The following SH3BP4 variants were observed in gnomAD, a reference collection of about 807,000 sequenced individuals.
The protein encoded by SH3BP4 is SH3 domain binding protein 4.
Under a neutral mutation model 65.5 loss-of-function variants are expected in SH3BP4, and 33 were observed. The observed-to-expected ratio is 0.50, with a 90% CI of 0.38 to 0.67. The LOEUF is 0.67. SH3BP4 is among the 30% of genes least tolerant of loss of function. SH3BP4 has a pLI of 0.00. For synonymous variants in SH3BP4, 552 were observed against 545.5 expected (o/e 1.01, Z -0.17); for missense variants, 1,134 against 1,261.4 (o/e 0.90, Z 1.53).
intron 1 of SH3BP4, among the ~76,000 whole-genome samples, chr2:234,955,829 G>A (rs553987253): frequency 1.3e-5 from 2 of 152,268 alleles, no homozygotes; most frequent in African/African-American, 4.8e-5. Context: ...GAATCCTCAC[G>A]AAAACTACCA....
At chr2:234,988,666 A>G (rs1232370470) in intron 1 of SH3BP4, among the ~76,000 whole-genome samples, 1 of 152,134 alleles carries the variant, frequency 6.6e-6, no homozygotes, top group Non-Finnish European at 1.5e-5. Context: ...GGGCGTTCAG[A>G]GAAGGCAGCC....
intron 1 of SH3BP4, among the ~76,000 whole-genome samples, chr2:234,988,727 G>A (rs930676773): frequency 6.6e-6 from 1 of 152,208 alleles, no homozygotes; most frequent in East Asian, 1.9e-4. Flanking sequence ...TAGGGGGGAC[G>A]CATGAACAGG....
At position 235,005,056 on chromosome 2, in the gene SH3BP4, C is replaced by T. The variant is rs184573775; in HGVS notation, c.-133+9680C>T. Among the ~76,000 whole-genome samples, 47 of 152,326 alleles carry T rather than the reference C, an allele frequency of 3.1e-4. 1 individual carries two copies. Among genetic ancestry groups the T allele is most frequent in the African/African-American group, 1.1e-3 (44 of 41,582 alleles). On this transcript the variant is annotated intron_variant, in intron 2 of 5. Coordinates refer to ENST00000392011, the MANE Select transcript of SH3BP4 (RefSeq NM_014521.3). ...ATAAAGGCCTGTGTTAGGTGCCATC[C>T]GCCTGCAGATCCCCCTGGGTGTTAA...
intron 2 of SH3BP4, among the ~76,000 whole-genome samples, chr2:235,029,783 TG>T: frequency 6.6e-6 from 1 of 152,192 alleles, no homozygotes; most frequent in East Asian, 1.9e-4. Flanking sequence ...GCACTCGGGA[TG>T]GGCGAGTCGG....
At chr2:234,957,903 G>A (rs997295499) in intron 1 of SH3BP4, among the ~76,000 whole-genome samples, 6 of 152,170 alleles carry the variant, frequency 3.9e-5, no homozygotes, top group Non-Finnish European at 5.9e-5. Context: ...GGGTGAGGAA[G>A]TGCTGGGCTA....
At chr2:234,984,699 C>T (rs1302368416) in intron 1 of SH3BP4, among the ~76,000 whole-genome samples, 1 of 152,182 alleles carries the variant, frequency 6.6e-6, no homozygotes, top group Non-Finnish European at 1.5e-5. Context: ...TCAGTTACAT[C>T]ACTCAGCTGA....
In SH3BP4 at chr2:235,045,172, C is replaced by T. The variant is rs1399049137; in HGVS notation, c.2478+1925C>T. Among the ~76,000 whole-genome samples the T allele has an allele frequency of 2.0e-5, 3 of 152,180 alleles. No individual in the cohort carries two copies. The highest frequency in any genetic ancestry group is 2.9e-5 in the Non-Finnish European group (2 of 68,032). The stretch of plus-strand genomic sequence containing the variant: ...ACAGTGGCAGACAAAGCGCCTCCAT[C>T]CCGTGAGAGCCTCTGTGCGGGCGGC... On this transcript the variant is annotated intron_variant, in intron 4 of 5. Transcript: ENST00000392011. The surrounding 1 kb of genome is among the most constrained non-coding windows in gnomAD (Gnocchi z 4.3).
chr2:234,987,212 G>A (rs942790093), intron 1 of SH3BP4, among the ~76,000 whole-genome samples: 3 of 152,042 alleles, frequency 2.0e-5, no homozygotes, highest in Admixed American at 1.3e-4. Flanking sequence ...AGCCCTCCAG[G>A]TAATTCCAGT....
intron 1 of SH3BP4, among the ~76,000 whole-genome samples, chr2:234,987,496 G>A (rs1423976501): frequency 6.6e-6 from 1 of 152,176 alleles, no homozygotes; most frequent in African/African-American, 2.4e-5. Flanking sequence ...TGGAGCTGGT[G>A]TGAGAAACGT....
In SH3BP4 at chr2:235,052,804, T is replaced by G; in HGVS notation, c.2667+54T>G. Reference sequence around the variant, plus strand: ...CGAGCCCCTCTGTCCCTGGGTTCCGTGGACCCATGCAGTGCAGCCATAAAA... The same window carrying G: ...CGAGCCCCTCTGTCCCTGGGTTCCGGGGACCCATGCAGTGCAGCCATAAAA... On this transcript the variant is annotated intron_variant, in intron 5 of 5. Transcript: ENST00000392011. This position sits in a 1 kb window ranked among gnomAD's most constrained non-coding sequence, Gnocchi z 5.0. The G allele has an allele frequency of 3.4e-6, 5 of 1,468,876 alleles. No homozygotes were observed. The allele number at this position is 1,468,876 out of a possible 1,614,324, so 91.0% of individuals were successfully genotyped here. A position where few individuals can be genotyped will look rare whatever the true frequency, so the allele number is the denominator to read the frequency against.
In SH3BP4 at chr2:235,042,761, T is replaced by A. The variant is rs746108621; in HGVS notation, c.1992T>A (p.Thr664=). ...TCAAGTTTGGTAAGTTGCTCAAGACTGTGGTGCGGCAGAACAAGAACCACT... is the reference window on the plus strand; with the variant it reads ...TCAAGTTTGGTAAGTTGCTCAAGACAGTGGTGCGGCAGAACAAGAACCACT... ...SSLKFGKLLK[T]VVRQNKNHYL... is the part of the protein sequence containing the mutation. Residue 664 remains threonine, a synonymous_variant, in exon 4 of 6, where the codon ACT becomes ACA. Transcript: ENST00000392011. The surrounding 1 kb of genome is among the most constrained non-coding windows in gnomAD (Gnocchi z 7.3). 6.2e-7 allele frequency: 1 copy of A among 1,614,138 alleles called. No homozygotes were observed. Among genetic ancestry groups the A allele is most frequent in the Non-Finnish European group, 8.5e-7 (1 of 1,180,022 alleles).
rs926438271 is a variant in SH3BP4 at position 234,978,246 on chromosome 2, A to G, written c.-206-17057A>G. Reference sequence around the variant, plus strand: ...GCTGGGATTACAGGCGTGAGCCACCATGCTGGCAGTCTGTTTCTATTTTGG... The same window carrying G: ...GCTGGGATTACAGGCGTGAGCCACCGTGCTGGCAGTCTGTTTCTATTTTGG... On this transcript the variant is annotated intron_variant, in intron 1 of 5. Coordinates refer to ENST00000392011, the MANE Select transcript of SH3BP4 (RefSeq NM_014521.3). This position sits in a 1 kb window ranked among gnomAD's most constrained non-coding sequence, Gnocchi z 4.1. 6.6e-6 allele frequency among the ~76,000 whole-genome samples: 1 copy of G among 152,184 alleles called. No individual in the cohort carries two copies. The highest frequency in any genetic ancestry group is 2.4e-5 in the African/African-American group (1 of 41,456).
At position 234,974,211 on chromosome 2, in the gene SH3BP4, C is replaced by T. The variant is rs1693098077; in HGVS notation, c.-206-21092C>T. On this transcript the variant is annotated intron_variant, in intron 1 of 5. Transcript: ENST00000392011. The surrounding 1 kb of genome is among the most constrained non-coding windows in gnomAD (Gnocchi z 4.6). Reference sequence around the variant, plus strand: ...TGAAGCCCCATCTCTAATAAAAATACAAAATTAGCCGGGCATGGTGGCGCA... The same window carrying T: ...TGAAGCCCCATCTCTAATAAAAATATAAAATTAGCCGGGCATGGTGGCGCA... 6.6e-6 allele frequency among the ~76,000 whole-genome samples: 1 copy of T among 151,878 alleles called. No homozygotes were observed. Among genetic ancestry groups the T allele is most frequent in the South Asian group, 2.1e-4 (1 of 4,816 alleles).
chr2:235,040,562 A>T (rs1695598694), intron 3 of SH3BP4, among the ~76,000 whole-genome samples: 1 of 150,998 alleles, frequency 6.6e-6, no homozygotes, highest in Admixed American at 6.6e-5. Context: ...AAGAATTTTA[A>T]CGTTGCCCAA....
rs970040418 is a variant in SH3BP4, at chr2:235,041,955, A to C, written c.1186A>C (p.Lys396Gln). ...EVKTSIILEM[K>Q]VSAEIKNDLF... ...GAAAACCTCTATCATCTTGGAGATG[A>C]AAGTGTCAGCCGAGATAAAAAATGA... is the stretch of plus-strand genomic sequence containing the variant. The change falls in exon 4 of 6, where the codon AAA becomes CAA. Residue 396 changes from lysine (K) to glutamine (Q), a missense_variant. By Grantham distance (53) the Lys-to-Gln change is moderately conservative. Coordinates refer to ENST00000392011, the MANE Select transcript of SH3BP4 (RefSeq NM_014521.3). This position sits in a 1 kb window ranked among gnomAD's most constrained non-coding sequence, Gnocchi z 6.0. 3.7e-6 allele frequency: 6 copies of C among 1,613,550 alleles called. No homozygotes were observed. The highest frequency in any genetic ancestry group is 5.1e-6 in the Non-Finnish European group (6 of 1,179,600).
chr2:235,014,125 T>TA (rs1362231877), intron 2 of SH3BP4, among the ~76,000 whole-genome samples: 1 of 152,200 alleles, frequency 6.6e-6, no homozygotes, highest in Non-Finnish European at 1.5e-5. Flanking sequence ...GCGTGGCTCT[T>TA]ACGGTGACAT....
chr2:234,981,037 G>A (rs1693363310), intron 1 of SH3BP4, among the ~76,000 whole-genome samples: 1 of 152,120 alleles, frequency 6.6e-6, no homozygotes, highest in African/African-American at 2.4e-5. Context: ...TTGTAGGAGT[G>A]CTTTGAATTT....
At chr2:235,015,614 G>A (rs575993743) in intron 2 of SH3BP4, among the ~76,000 whole-genome samples, 1 of 152,210 alleles carries the variant, frequency 6.6e-6, no homozygotes, top group African/African-American at 2.4e-5. Flanking sequence ...GACTGTGATG[G>A]GTACAGCTCA....
intron 3 of SH3BP4, among the ~76,000 whole-genome samples, chr2:235,038,322 T>TATATTATATATA (rs1695483851): frequency 2.6e-4 from 2 of 7,626 alleles, no homozygotes; most frequent in Non-Finnish European, 3.5e-4. Context: ...TTATATATTA[T>TATATTATATATA]ATATATATTA....
Sources: allele counts gnomAD v4.1 joint callset (sites outside exome capture counted in the v4.1 genomes callset), GRCh38; gene constraint gnomAD v4.1.1; non-coding constraint Gnocchi (gnomAD v3.1); transcripts MANE v1.5; gene names NCBI Gene and HGNC (gene_info 2026-07-23, HGNC 2026-07-21).